RGS8: variants seen among roughly 807,000 people sequenced by gnomAD.
RGS8 encodes regulator of G protein signaling 8.
RGS8 carries 8 observed loss-of-function variants against 21.7 expected under a neutral mutation model. The observed-to-expected ratio is 0.37, with a 90% CI of 0.22 to 0.66. The LOEUF (loss-of-function observed/expected upper bound fraction) is 0.66. RGS8 is among the 30% of genes least tolerant of loss of function. The pLI, the probability that RGS8 is intolerant of heterozygous loss-of-function variation, is 0.59. For synonymous variants in RGS8, 80 were observed against 83.6 expected, an observed-to-expected ratio of 0.96 and a Z score of 0.24; for missense variants, 157 against 217.9, an observed-to-expected ratio of 0.72 and a Z score of 1.76.
chr1:182,683,033 G>GA (rs1380707731), intron 1 of RGS8, among the ~76,000 whole-genome samples: 1 of 152,114 alleles, frequency 6.6e-6, no homozygotes. Flanking sequence ...ACACTATGTG[G>GA]AAAAAATCTT....
the RGS8 span, among the ~76,000 whole-genome samples, chr1:182,737,067 A>G: frequency 6.6e-6 from 1 of 152,112 alleles, no homozygotes; most frequent in Non-Finnish European, 1.5e-5. Flanking sequence ...TAGCTCTAGG[A>G]AGAATCTATT....
exon 6 of RGS8, chr1:182,648,149 C>T: frequency 6.2e-7 from 1 of 1,609,408 alleles, no homozygotes. Context: ...CCCGTGGAGC[C>T]TGCACATCCA....
At chr1:182,722,201 T>A in the RGS8 span, among the ~76,000 whole-genome samples, 1 of 147,222 alleles carries the variant, frequency 6.8e-6, no homozygotes, top group Non-Finnish European at 1.5e-5. Context: ...ATAATAAGTG[T>A]CCTGAAGAAA....
At chr1:182,668,032 G>A (rs1208327755) in intron 3 of RGS8, among the ~76,000 whole-genome samples, 2 of 151,502 alleles carry the variant, frequency 1.3e-5, no homozygotes, top group Non-Finnish European at 2.9e-5. Context: ...CCCTGAAAAG[G>A]TGCCTGTCTG....
At chr1:182,743,882 CAT>C in the RGS8 span, among the ~76,000 whole-genome samples, 1 of 152,178 alleles carries the variant, frequency 6.6e-6, no homozygotes, top group Non-Finnish European at 1.5e-5. Context: ...ACACAAGACA[CAT>C]GTGCATATAT....
upstream of RGS8, among the ~76,000 whole-genome samples, chr1:182,686,269 T>C (rs974105417): frequency 6.6e-6 from 1 of 152,212 alleles, no homozygotes; most frequent in Non-Finnish European, 1.5e-5. Context: ...AAGGGTCCAT[T>C]GGGACCACAC....
the RGS8 span, among the ~76,000 whole-genome samples, chr1:182,729,868 AAAG>A: frequency 2.6e-5 from 4 of 152,246 alleles, no homozygotes; most frequent in Admixed American, 2.6e-4. Context: ...TCCTCAGAAG[AAAG>A]AACGAACGGA....
chr1:182,694,869 C>T, the RGS8 span, among the ~76,000 whole-genome samples: 7,500 of 150,466 alleles, frequency 0.05, 332 homozygotes, highest in South Asian at 0.18. Context: ...AAAATTTTAA[C>T]GTCAGAAAAG....
chr1:182,713,894 A>G, the RGS8 span, among the ~76,000 whole-genome samples: 1 of 152,258 alleles, frequency 6.6e-6, no homozygotes. Context: ...CACAGAAAAT[A>G]CAGTACATAA....
downstream of RGS8, chr1:182,642,761 A>T (rs1486647226): frequency 6.6e-6 from 1 of 152,230 alleles, no homozygotes; most frequent in African/African-American, 2.4e-5. Flanking sequence ...ATTAAAATCA[A>T]CTAGGACCTT....
chr1:182,723,741 A>G, the RGS8 span, among the ~76,000 whole-genome samples: 2 of 152,160 alleles, frequency 1.3e-5, no homozygotes, highest in Non-Finnish European at 2.9e-5. Context: ...GCAGCTCAAT[A>G]CATCATGGCA....
chr1:182,661,055 T>G (rs1663560009), intron 5 of RGS8, among the ~76,000 whole-genome samples: 1 of 151,758 alleles, frequency 6.6e-6, no homozygotes, highest in African/African-American at 2.4e-5. Flanking sequence ...TTTAAGAAAT[T>G]TCATGAATTG....
intron 5 of RGS8, among the ~76,000 whole-genome samples, chr1:182,659,082 G>A (rs1392136629): frequency 6.6e-6 from 1 of 152,190 alleles, no homozygotes. Context: ...CTTTGCACCA[G>A]AAAGGACATG....
exon 7 of RGS8, chr1:182,646,726 T>A (rs1186709992): frequency 6.2e-7 from 1 of 1,605,090 alleles, no homozygotes; most frequent in Non-Finnish European, 8.5e-7. Context: ...AGGAGTTCCC[T>A]TCTGAGGTCT....
Position 182,666,856 on chromosome 1 carries a change from T to TG in RGS8, c.128+15dup. 1 of 1,592,798 alleles carries TG rather than the reference T, an allele frequency of 6.3e-7. No homozygotes were observed. The highest frequency in any genetic ancestry group is 1.7e-5 in the Admixed American group (1 of 60,000). On this transcript the variant is annotated intron_variant, in intron 4 of 6. Coordinates refer to ENST00000483095, the Ensembl canonical transcript of RGS8. ...GCTGTATTACCCAGGGAATGGCACG[T>TG]GGCCGTACTACTCACTTGAGAGCGC...
the RGS8 span, among the ~76,000 whole-genome samples, chr1:182,721,097 A>G: frequency 9.4e-4 from 134 of 142,326 alleles, 5 homozygotes; most frequent in African/African-American, 3.1e-3. Flanking sequence ...ATATGTGTGT[A>G]TATATATACA....
rs74128239 is a variant in RGS8 at position 182,671,032 on chromosome 1, C to T, written c.-104+625G>A. Among the ~76,000 whole-genome samples the T allele has an allele frequency of 6.8e-3, 1,037 of 152,280 alleles. 16 individuals carry two copies. Among genetic ancestry groups the T allele is most frequent in the African/African-American group, 0.024 (985 of 41,538 alleles). On this transcript the variant is annotated intron_variant, in intron 2 of 6. Coordinates refer to ENST00000483095, the Ensembl canonical transcript of RGS8. ...TCCTAGAGCCAAGTGGAACCAGAGA[C>T]GACTACCCACCTACATTGCAGGCAA... is the stretch of plus-strand genomic sequence containing the variant.
the RGS8 span, among the ~76,000 whole-genome samples, chr1:182,721,106 CAT>C: frequency 6.1e-5 from 8 of 130,414 alleles, no homozygotes; most frequent in African/African-American, 1.7e-4. Flanking sequence ...TATATATATA[CAT>C]ATATATATGA....
chr1:182,738,364 A>G, the RGS8 span, among the ~76,000 whole-genome samples: 1 of 152,248 alleles, frequency 6.6e-6, no homozygotes, highest in East Asian at 1.9e-4. Flanking sequence ...GACATATGTG[A>G]AGCATTTAGT....
Sources: gnomAD v4.1 joint callset for allele counts (sites outside exome capture counted in the v4.1 genomes callset) on GRCh38, gnomAD v4.1.1 for gene constraint, MANE v1.5 for transcripts, NCBI Gene and HGNC (gene_info 2026-07-23, HGNC 2026-07-21) for gene names.